MTMR9: variants seen among roughly 807,000 people sequenced by gnomAD.
MTMR9 encodes myotubularin related protein 9, also known as myotubularin-related protein 9.
MTMR9 carries 39 observed loss-of-function variants against 69.5 expected under a neutral mutation model. The observed-to-expected ratio is 0.56, with a 90% CI of 0.43 to 0.73. MTMR9 has a LOEUF of 0.73. Ranked by LOEUF, MTMR9 falls within the 30% of genes least tolerant of loss-of-function variation. MTMR9 has a pLI of 0.00. For missense variants in MTMR9, 900 were observed against 671.2 expected (o/e 1.34, Z -3.77); for synonymous variants, 354 against 240.8 (o/e 1.47, Z -4.35).
intron 6 of MTMR9, among the ~76,000 whole-genome samples, chr8:11,310,537 G>C (rs998039603): frequency 6.6e-6 from 1 of 152,154 alleles, no homozygotes; most frequent in African/African-American, 2.4e-5. Context: ...GTTAGCAACA[G>C]AGCCATCAAG....
chr8:11,329,431 A>G (rs1163500934), downstream of MTMR9, among the ~76,000 whole-genome samples: 1 of 152,204 alleles, frequency 6.6e-6, no homozygotes, highest in Non-Finnish European at 1.5e-5. Flanking sequence ...CTCCTGCCTC[A>G]GCCTGCCGAG....
chr8:11,311,037 A>C (rs1274478272), intron 6 of MTMR9, among the ~76,000 whole-genome samples: 1 of 152,172 alleles, frequency 6.6e-6, no homozygotes, highest in African/African-American at 2.4e-5. Flanking sequence ...ACCTCCATAC[A>C]AATTTGCCCT....
chr8:11,331,638 T>C (rs138103616), downstream of MTMR9: 56 of 1,612,732 alleles, frequency 3.5e-5, no homozygotes, highest in African/African-American at 6.9e-4. Context: ...ACCTGGACTC[T>C]GGACACTACA....
At chr8:11,297,039 T>C (rs563292330) in intron 2 of MTMR9, among the ~76,000 whole-genome samples, 6 of 152,336 alleles carry the variant, frequency 3.9e-5, no homozygotes, top group Admixed American at 2.0e-4. Context: ...TTTTAAACTA[T>C]TGCCACTAAA....
intron 1 of MTMR9, among the ~76,000 whole-genome samples, chr8:11,290,247 A>G (rs1269523802): frequency 6.6e-6 from 1 of 152,064 alleles, no homozygotes; most frequent in South Asian, 2.1e-4. Context: ...GTATACTTAA[A>G]ATTTTTTTTT....
At chr8:11,291,506 G>C (rs1451279341) in intron 1 of MTMR9, among the ~76,000 whole-genome samples, 1 of 152,080 alleles carries the variant, frequency 6.6e-6, no homozygotes, top group Non-Finnish European at 1.5e-5. Context: ...TGAATCATAG[G>C]AGTTTTGTGG....
At chr8:11,296,121 A>G (rs913453789) in intron 2 of MTMR9, among the ~76,000 whole-genome samples, 1 of 152,138 alleles carries the variant, frequency 6.6e-6, no homozygotes, top group African/African-American at 2.4e-5. Context: ...ACACATTATT[A>G]CATGTATTAG....
At chr8:11,306,127 T>C in intron 4 of MTMR9, 63 bp from the exon 5 acceptor site, 1 of 1,423,798 alleles carries the variant, frequency 7.0e-7, no homozygotes, top group African/African-American at 1.4e-5. Context: ...AGCTAATTTC[T>C]TTCTGTTTTC....
intron 9 of MTMR9, chr8:11,321,234 T>G: frequency 5.7e-6 from 2 of 348,644 alleles, no homozygotes; most frequent in African/African-American, 2.1e-5. Context: ...GGGTGTGAGC[T>G]TTAGTGCTTT....
chr8:11,305,100 T>G, intron 4 of MTMR9, 86 bp downstream of exon 4: 1 of 1,311,034 alleles, frequency 7.6e-7, no homozygotes, highest in African/African-American at 1.5e-5. Flanking sequence ...GCTCTCTGTC[T>G]GTTCACTGAA....
chr8:11,291,549 G>C (rs1397932021), intron 1 of MTMR9, among the ~76,000 whole-genome samples: 2 of 151,908 alleles, frequency 1.3e-5, no homozygotes, highest in African/African-American at 2.4e-5. Flanking sequence ...ATTTTTCTTG[G>C]CCCACTGTTC....
At chr8:11,317,622 C>T (rs554769945) in intron 8 of MTMR9, 1 of 152,158 alleles carries the variant, frequency 6.6e-6, no homozygotes, top group Non-Finnish European at 1.5e-5. Flanking sequence ...GGTCCATGGC[C>T]TGGGGTTTGG....
intron 1 of MTMR9, among the ~76,000 whole-genome samples, chr8:11,287,788 ATATATAATACATAT>A (rs36211457): frequency 0.59 from 70,162 of 119,630 alleles, 20,806 homozygotes; most frequent in East Asian, 0.88. Context: ...ATTATATATT[ATATATAATACATAT>A]TATATAATAC....
chr8:11,321,467 GGAT>G (rs1800686901), intron 9 of MTMR9: 1 of 456,442 alleles, frequency 2.2e-6, no homozygotes, highest in African/African-American at 2.0e-5. Flanking sequence ...GTGGCCTGAA[GGAT>G]GATTTAATTG....
chr8:11,294,429 T>C (rs1252805444), intron 1 of MTMR9, among the ~76,000 whole-genome samples: 1 of 152,070 alleles, frequency 6.6e-6, no homozygotes, highest in Non-Finnish European at 1.5e-5. Flanking sequence ...TGTTTCAAAT[T>C]TGCTGAGAAA....
At chr8:11,331,400 T>C (rs139571587), downstream of MTMR9, 823 of 1,613,968 alleles carry the variant, frequency 5.1e-4, 2 homozygotes, top group African/African-American at 1.0e-2. Context: ...TGGGACCTCC[T>C]GACATCCGAG....
chr8:11,313,849 G>A (rs1800300868), intron 6 of MTMR9, among the ~76,000 whole-genome samples: 1 of 152,194 alleles, frequency 6.6e-6, no homozygotes, highest in African/African-American at 2.4e-5. Context: ...TTGAAATATT[G>A]TGAGCATTAC....
chr8:11,301,455 A>G (rs762471278), intron 3 of MTMR9, among the ~76,000 whole-genome samples: 12 of 152,250 alleles, frequency 7.9e-5, no homozygotes, highest in Non-Finnish European at 1.5e-4. Context: ...ATCCATATGT[A>G]AAAAAGATAA....
chr8:11,308,192 T>G (rs1380328825), intron 5 of MTMR9, among the ~76,000 whole-genome samples: 2 of 152,242 alleles, frequency 1.3e-5, no homozygotes, highest in Non-Finnish European at 1.5e-5. Context: ...GTTTAAGTCT[T>G]TAATCTACTT....
Sources: allele counts gnomAD v4.1 joint callset (sites outside exome capture counted in the v4.1 genomes callset), GRCh38; gene constraint gnomAD v4.1.1; transcripts MANE v1.5; gene names NCBI Gene and HGNC (gene_info 2026-07-23, HGNC 2026-07-21).